The following CUL1 variants were observed in gnomAD, a reference collection of about 807,000 sequenced individuals.
The protein encoded by CUL1 is cullin-1.
CUL1 carries 24 observed loss-of-function variants against 118.0 expected under a neutral mutation model. That is an observed-to-expected ratio of 0.20 (90% CI 0.15 to 0.29). The LOEUF (loss-of-function observed/expected upper bound fraction) is 0.29. Ranked by LOEUF, CUL1 falls within the 10% of genes least tolerant of loss-of-function variation. The pLI is 1.00. For missense variants in CUL1, 361 were observed against 933.8 expected, an observed-to-expected ratio of 0.39 and a Z score of 7.99; for synonymous variants, 332 against 340.4, an observed-to-expected ratio of 0.98 and a Z score of 0.27.
Position 148,783,839 on chromosome 7 carries a change from G to C in CUL1, c.1140G>C (p.Leu380=). 6.2e-7 allele frequency: 1 copy of C among 1,614,136 alleles called. No individual in the cohort carries two copies. The highest frequency in any genetic ancestry group is 8.5e-7 in the Non-Finnish European group (1 of 1,180,040). The change falls in exon 10 of 22, where the codon CTG becomes CTC. Residue 380 remains leucine, a synonymous_variant. Coordinates refer to ENST00000325222, the MANE Select transcript of CUL1 (RefSeq NM_003592.3). ...VLDVHKKYNA[L]VMSAFNNDAG... is the part of the protein sequence containing the mutation. ...ATGTTCATAAAAAATACAATGCCCT[G>C]GTAATGTCTGCATTCAACAATGACG...
chr7:148,727,178 T>C lies in CUL1; in HGVS notation c.-161-2784T>C, dbSNP rs181899818. ...CTAAGTAGTCACTAAAATCCTGTAA[T>C]TTTCGTAAGCCTGTTTAAACACTGT... On this transcript the variant is annotated intron_variant, in intron 1 of 21. Transcript: ENST00000325222. 1.2e-4 allele frequency among the ~76,000 whole-genome samples: 18 copies of C among 152,314 alleles called. No homozygotes were observed. The East Asian group carries it at 3.3e-3, about 28-fold the overall frequency.
intron 17 of CUL1, among the ~76,000 whole-genome samples, chr7:148,796,189 G>A (rs1337250669): frequency 6.6e-6 from 1 of 152,078 alleles, no homozygotes; most frequent in East Asian, 1.9e-4. Flanking sequence ...ATTGAATTTT[G>A]TATCATGCAA....
chr7:148,772,425 CAAAA>C, intron 9 of CUL1, among the ~76,000 whole-genome samples: 1 of 146,694 alleles, frequency 6.8e-6, no homozygotes. Context: ...AAAAAAAAAA[CAAAA>C]AAAAAAACCC....
At chr7:148,725,380 C>T (rs575574169) in intron 1 of CUL1, among the ~76,000 whole-genome samples, 23 of 152,344 alleles carry the variant, frequency 1.5e-4, no homozygotes, top group Admixed American at 3.3e-4. Flanking sequence ...TTAGCGCCAT[C>T]GGGCCTCAGC....
chr7:148,765,037 TCTTC>T (rs1041327905), intron 7 of CUL1, among the ~76,000 whole-genome samples: 3 of 152,230 alleles, frequency 2.0e-5, no homozygotes, highest in Admixed American at 6.5e-5. Flanking sequence ...AGTTGTCTTT[TCTTC>T]CTTGTGTTTT....
intron 2 of CUL1, among the ~76,000 whole-genome samples, chr7:148,741,579 C>T (rs990571968): frequency 2.0e-5 from 3 of 151,888 alleles, no homozygotes; most frequent in Non-Finnish European, 2.9e-5. Context: ...GCTGGAACCG[C>T]AGGTGTGCAT....
intron 1 of CUL1, among the ~76,000 whole-genome samples, chr7:148,709,552 G>A (rs903075095): frequency 9.2e-5 from 14 of 152,164 alleles, no homozygotes; most frequent in African/African-American, 3.4e-4. Flanking sequence ...CTGGGAACAT[G>A]CATTTATGTT....
chr7:148,704,076 C>T (rs969789559), intron 1 of CUL1, among the ~76,000 whole-genome samples: 3 of 150,986 alleles, frequency 2.0e-5, no homozygotes, highest in African/African-American at 4.9e-5. Context: ...GACTGGCAAA[C>T]AGAAAAATAT....
At chr7:148,725,245 A>G (rs913800792) in intron 1 of CUL1, among the ~76,000 whole-genome samples, 1 of 151,256 alleles carries the variant, frequency 6.6e-6, no homozygotes, top group African/African-American at 2.4e-5. Flanking sequence ...ACACACACAC[A>G]CACCCGTACC....
intron 4 of CUL1, among the ~76,000 whole-genome samples, chr7:148,757,623 T>C (rs111794792): frequency 1.3e-5 from 2 of 152,210 alleles, no homozygotes; most frequent in African/African-American, 4.8e-5. Context: ...CTTCAGTCAA[T>C]GAAAGGGGTT....
intron 2 of CUL1, among the ~76,000 whole-genome samples, chr7:148,751,776 C>T (rs565342195): frequency 6.6e-6 from 1 of 152,042 alleles, no homozygotes; most frequent in Non-Finnish European, 1.5e-5. Context: ...CCATCAAAAA[C>T]AAATGGCAGA....
intron 1 of CUL1, among the ~76,000 whole-genome samples, chr7:148,723,739 T>A (rs1410961397): frequency 2.6e-5 from 4 of 151,330 alleles, no homozygotes; most frequent in African/African-American, 9.7e-5. Flanking sequence ...GCCGAACCAG[T>A]GTGCGATTGA....
chr7:148,748,555 T>G (rs1241684381), intron 2 of CUL1, among the ~76,000 whole-genome samples: 1 of 152,210 alleles, frequency 6.6e-6, no homozygotes, highest in African/African-American at 2.4e-5. Context: ...GATAAATTGA[T>G]AAAACCATTT....
intron 1 of CUL1, among the ~76,000 whole-genome samples, chr7:148,719,497 C>T (rs909427684): frequency 2.0e-5 from 3 of 152,032 alleles, no homozygotes; most frequent in African/African-American, 7.2e-5. Context: ...ATTTCAGTAA[C>T]GAACTTATGA....
intron 1 of CUL1, among the ~76,000 whole-genome samples, chr7:148,712,569 C>G (rs1798084893): frequency 6.6e-6 from 1 of 152,188 alleles, no homozygotes; most frequent in South Asian, 2.1e-4. Context: ...CATTTAAATA[C>G]TATCTTAGGA....
At chr7:148,781,225 C>T (rs560765162) in intron 9 of CUL1, among the ~76,000 whole-genome samples, 5 of 151,662 alleles carry the variant, frequency 3.3e-5, no homozygotes, top group South Asian at 4.2e-4. Flanking sequence ...GGATTATAGG[C>T]GCCTGCCACC....
chr7:148,756,028 A>G (rs575438061), intron 3 of CUL1, among the ~76,000 whole-genome samples: 3 of 152,196 alleles, frequency 2.0e-5, no homozygotes, highest in East Asian at 3.8e-4. Flanking sequence ...CAGTACCATT[A>G]ACGTTTTTAA....
chr7:148,748,181 A>G (rs1478134511), intron 2 of CUL1, among the ~76,000 whole-genome samples: 1 of 152,260 alleles, frequency 6.6e-6, no homozygotes, highest in African/African-American at 2.4e-5. Context: ...AATACAAAAC[A>G]GGATCGTAGA....
intron 1 of CUL1, among the ~76,000 whole-genome samples, chr7:148,719,077 C>T (rs1244060340): frequency 2.6e-5 from 4 of 152,044 alleles, no homozygotes; most frequent in African/African-American, 7.2e-5. Flanking sequence ...TTTGGGAGGC[C>T]GAGGCGGGCG....
Sources: gnomAD v4.1 joint callset for allele counts (sites outside exome capture counted in the v4.1 genomes callset) on GRCh38, gnomAD v4.1.1 for gene constraint, MANE v1.5 for transcripts, NCBI Gene and HGNC (gene_info 2026-07-23, HGNC 2026-07-21) for gene names.